Variants in DHDH observed in about 807,000 individuals in gnomAD.
The protein encoded by DHDH is dihydrodiol dehydrogenase, also known as trans-1,2-dihydrobenzene-1,2-diol dehydrogenase.
A neutral mutation model predicts 33.2 loss-of-function variants in DHDH; 29 were observed. The ratio of observed to expected loss-of-function variants is 0.87; its 90% CI spans 0.65 to 1.19. The LOEUF is 1.19. DHDH is among the 50% of genes most tolerant of loss of function. The pLI is 0.00. For missense variants in DHDH, 431 were observed against 455.0 expected (o/e 0.95, Z 0.48); for synonymous variants, 201 against 187.9 (o/e 1.07, Z -0.57).
At chr19:48,941,572 G>A (rs2037861560) in intron 4 of DHDH, among the ~76,000 whole-genome samples, 1 of 151,866 alleles carries the variant, frequency 6.6e-6, no homozygotes, top group Non-Finnish European at 1.5e-5. Context: ...TTGTAGAGAT[G>A]GAGTTTCCCC....
In DHDH at chr19:48,935,078, TC is replaced by T. The variant is rs1271553380; in HGVS notation, c.171del (p.Tyr58MetfsTer26). On this transcript the variant is annotated frameshift_variant, in exon 2 of 7. Coordinates refer to ENST00000221403, the MANE Select transcript of DHDH (RefSeq NM_014475.4). LOFTEE classifies it high-confidence loss of function. ...ACACGACATCCCCAAGGCCTACGGC[TC>T]CTATGAGGAGCTGGCCAAGGACCCG... ...QKHDIPKAYGSYEELAKDPSV... is the reference protein window; with the variant it reads ...QKHDIPKAYGXYEELAKDPSV... 2 of 1,587,976 alleles carry T rather than the reference TC, an allele frequency of 1.3e-6. No homozygotes were observed. The highest frequency in any genetic ancestry group is 1.7e-6 in the Non-Finnish European group (2 of 1,169,382).
chr19:48,942,053 G>C (rs1488745180), intron 4 of DHDH, among the ~76,000 whole-genome samples: 1 of 150,338 alleles, frequency 6.7e-6, no homozygotes, highest in African/African-American at 2.5e-5. Flanking sequence ...TGTCGCCCAG[G>C]CTGGAGTGCA....
At chr19:48,937,972 G>A (rs1472050223) in intron 3 of DHDH, among the ~76,000 whole-genome samples, 2 of 151,974 alleles carry the variant, frequency 1.3e-5, no homozygotes, top group Non-Finnish European at 2.9e-5. Flanking sequence ...TCACCGTCCC[G>A]GCTGTCCTGC....
chr19:48,938,864 G>A (rs1287251840), intron 3 of DHDH, among the ~76,000 whole-genome samples: 1 of 152,052 alleles, frequency 6.6e-6, no homozygotes, highest in Non-Finnish European at 1.5e-5. Context: ...GGCCAGGCTG[G>A]TCTCTTGGCT....
intron 1 of DHDH, among the ~76,000 whole-genome samples, 156 bp downstream of exon 1, chr19:48,933,967 C>T (rs944211119): frequency 4.6e-5 from 7 of 152,178 alleles, no homozygotes; most frequent in African/African-American, 1.7e-4. Flanking sequence ...CTCTGTTCTG[C>T]AAACCTGTGG....
chr19:48,934,980 C>T lies in DHDH; in HGVS notation c.91-20C>T, dbSNP rs867917177. 5 of 1,523,402 alleles carry T rather than the reference C, an allele frequency of 3.3e-6. No individual in the cohort carries two copies. Among genetic ancestry groups the T allele is most frequent in the Admixed American group, 2.1e-5 (1 of 48,108 alleles). The allele number at this position is 1,523,402 out of a possible 1,614,324, so 94.4% of individuals were successfully genotyped here. A position where few individuals can be genotyped will look rare whatever the true frequency, so the allele number is the denominator to read the frequency against. On this transcript the variant is annotated intron_variant, in intron 1 of 6. Transcript: ENST00000221403. Reference sequence around the variant, plus strand: ...CACGCCTGCCTCAGCCCCTCAAATCCGATTCTTGTGCCCCTCCAGGTGGTG... The same window carrying T: ...CACGCCTGCCTCAGCCCCTCAAATCTGATTCTTGTGCCCCTCCAGGTGGTG...
intron 4 of DHDH, among the ~76,000 whole-genome samples, chr19:48,941,877 T>C (rs2122275044): frequency 6.6e-6 from 1 of 152,116 alleles, no homozygotes; most frequent in Non-Finnish European, 1.5e-5. Context: ...CTCACTATGT[T>C]GCCCAGGCTG....
In DHDH at chr19:48,934,894, GA is replaced by G; in HGVS notation, c.91-105del. On this transcript the variant is annotated intron_variant, in intron 1 of 6. Coordinates refer to ENST00000221403, the MANE Select transcript of DHDH (RefSeq NM_014475.4). Reference sequence around the variant, plus strand: ...CAGCCCCCGTCATCTCTTCCCCCAGGACCACGTCTCCCCTTCCCCTGGCCAG... The same window carrying G: ...CAGCCCCCGTCATCTCTTCCCCCAGGCCACGTCTCCCCTTCCCCTGGCCAG... 4.9e-6 allele frequency: 4 copies of G among 810,824 alleles called. No homozygotes were observed. The South Asian group carries it at 6.7e-5, about 14-fold the overall frequency. The allele number at this position is 810,824 out of a possible 1,614,324, so 50.2% of individuals were successfully genotyped here. A position where few individuals can be genotyped will look rare whatever the true frequency, so the allele number is the denominator to read the frequency against.
chr19:48,941,298 C>T (rs1216140082), intron 4 of DHDH, among the ~76,000 whole-genome samples: 1 of 152,182 alleles, frequency 6.6e-6, no homozygotes, highest in Non-Finnish European at 1.5e-5. Context: ...TTTCAGGCCT[C>T]TAATTACACC....
At chr19:48,936,414 C>A (rs773070932) in intron 3 of DHDH, among the ~76,000 whole-genome samples, 1 of 151,892 alleles carries the variant, frequency 6.6e-6, no homozygotes, top group Non-Finnish European at 1.5e-5. Context: ...AAAAAGATGC[C>A]GGCCGGGCGC....
rs933651050 is a variant in DHDH, at chr19:48,940,311, C to T, written c.619+610C>T. Reference sequence around the variant, plus strand: ...CGGAGGTTGCAGTGAGCTGAGATGGCGTCACTGTACTCTAGCCTGGGCGAC... The same window carrying T: ...CGGAGGTTGCAGTGAGCTGAGATGGTGTCACTGTACTCTAGCCTGGGCGAC... On this transcript the variant is annotated intron_variant, in intron 4 of 6. Transcript: ENST00000221403. Among the ~76,000 whole-genome samples, 69 of 151,116 alleles carry T rather than the reference C, an allele frequency of 4.6e-4. 1 individual carries two copies. Among genetic ancestry groups the T allele is most frequent in the African/African-American group, 1.6e-3 (65 of 41,022 alleles).
At chr19:48,937,043 C>G (rs1381958517) in intron 3 of DHDH, among the ~76,000 whole-genome samples, 1 of 152,036 alleles carries the variant, frequency 6.6e-6, no homozygotes, top group Non-Finnish European at 1.5e-5. Context: ...CGCGGCCTCC[C>G]AAAGTGCTGG....
At chr19:48,935,160 G>GC in intron 2 of DHDH, 49 bp downstream of exon 2, 2 of 1,444,778 alleles carry the variant, frequency 1.4e-6, no homozygotes, top group Admixed American at 2.3e-5. Flanking sequence ...CTGGAGCGGT[G>GC]CCCCCTGGCT....
chr19:48,942,781 A>C (rs1329104887), intron 5 of DHDH, among the ~76,000 whole-genome samples: 1 of 152,090 alleles, frequency 6.6e-6, no homozygotes, highest in Admixed American at 6.6e-5. Context: ...CCTGGCTGGC[A>C]CGGTGGCTCA....
At chr19:48,935,777 A>C (rs2037763529) in intron 2 of DHDH, among the ~76,000 whole-genome samples, 1 of 152,050 alleles carries the variant, frequency 6.6e-6, no homozygotes, top group Non-Finnish European at 1.5e-5. Context: ...AGATCGCGCC[A>C]CTGCACTCCA....
rs1225373261 is a variant in DHDH, at chr19:48,939,504, A to G, written c.422A>G (p.Gln141Arg). ...ASEALRSVLA[Q>R]GTLGDLRVAR... is the part of the protein sequence containing the mutation. ...GAGGCTCTGAGGTCTGTTTTGGCCC[A>G]GGGAACTCTAGGAGACCTCCGGGTG... is the stretch of plus-strand genomic sequence containing the variant. Residue 141 changes from glutamine (Q) to arginine (R), a missense_variant, in exon 4 of 7, where the codon CAG becomes CGG. Physicochemically the swap from Gln to Arg is conservative, Grantham distance 43 (BLOSUM62 1). Transcript: ENST00000221403. 2 of 1,613,904 alleles carry G rather than the reference A, an allele frequency of 1.2e-6. No individual in the cohort carries two copies. Among genetic ancestry groups the G allele is most frequent in the Non-Finnish European group, 1.7e-6 (2 of 1,179,950 alleles).
At position 48,942,492 on chromosome 19, in the gene DHDH, C is replaced by T. The variant is rs149176395; in HGVS notation, c.672C>T (p.Gly224=). Residue 224 remains glycine (G), a synonymous_variant, in exon 5 of 7, where the codon GGC becomes GGT. Transcript: ENST00000221403. ...TGCAGTACCCAGGGGAGGTCCATGG[C>T]AGCTTCACCTGCAGCATCACCGTGC... The part of the protein sequence containing the change: ...VLLQYPGEVH[G]SFTCSITVQL... 330 of 1,613,790 alleles carry T rather than the reference C, an allele frequency of 2.0e-4. 1 individual carries two copies. The highest frequency in any genetic ancestry group is 1.2e-3 in the Middle Eastern group (7 of 6,062).
chr19:48,933,792 T>C lies in DHDH; in HGVS notation c.71T>C (p.Leu24Pro), dbSNP rs961266219. The C allele has an allele frequency of 1.9e-6, 3 of 1,610,754 alleles. No homozygotes were observed. In the African/African-American group the frequency reaches 4.0e-5, roughly 22 times the overall value. The change falls in exon 1 of 7, where the codon CTG becomes CCG. Residue 24 changes from leucine to proline, a missense_variant. Transcript: ENST00000221403. Reference sequence around the variant, plus strand: ...GACTTCACAGCCGTGCTGCAGACGCTGCCTCGCTCTGAGCACCAGGTCTGC... The same window carrying C: ...GACTTCACAGCCGTGCTGCAGACGCCGCCTCGCTCTGAGCACCAGGTCTGC... ...SSDFTAVLQT[L>P]PRSEHQVVAV... is the part of the protein sequence containing the mutation.
At position 48,936,204 on chromosome 19, in the gene DHDH, A is replaced by G. The variant is rs1476914911; in HGVS notation, c.366+9A>G. ...CCCTCTTCCTTATGGAGGTGAGGGCAGAGGAGCCCTTCCAATATCCAGCGT... is the reference window on the plus strand; with the variant it reads ...CCCTCTTCCTTATGGAGGTGAGGGCGGAGGAGCCCTTCCAATATCCAGCGT... On this transcript the variant is annotated intron_variant, in intron 3 of 6. Transcript: ENST00000221403. 2.5e-6 allele frequency: 4 copies of G among 1,571,344 alleles called. No individual in the cohort carries two copies. Among genetic ancestry groups the G allele is most frequent in the Non-Finnish European group, 3.4e-6 (4 of 1,160,102 alleles).
Sources: gnomAD v4.1 joint callset for allele counts (sites outside exome capture counted in the v4.1 genomes callset) on GRCh38, gnomAD v4.1.1 for gene constraint, MANE v1.5 for transcripts, NCBI Gene and HGNC (gene_info 2026-07-23, HGNC 2026-07-21) for gene names.